PCDHGB2: variants seen among roughly 807,000 people sequenced by gnomAD.
PCDHGB2 encodes protocadherin gamma-B2.
In PCDHGB2, 55 loss-of-function variants were observed where a neutral mutation model predicts 59.3. That is an observed-to-expected ratio of 0.93 (90% confidence interval 0.75 to 1.16). The LOEUF (loss-of-function observed/expected upper bound fraction) is 1.16, where lower values mean the gene tolerates loss of function less well. Among genes scored for constraint, PCDHGB2 ranks in the 50% most tolerant of loss-of-function variants. The pLI is 0.00. For missense variants in PCDHGB2, 1,228 were observed against 1,198.5 expected (o/e 1.02, Z -0.36); for synonymous variants, 516 against 512.0 (o/e 1.01, Z -0.11).
rs1424290202 is a variant in PCDHGB2 at position 141,360,334 on chromosome 5, C to T, written c.199C>T (p.Arg67Trp). ...SVRDLPARKL[R>W]VSAEKEYFTV... ...CCGGGACTTGCCAGCCCGGAAGCTG[C>T]GGGTTAGCGCGGAGAAGGAATATTT... Residue 67 changes from arginine (R) to tryptophan (W), a missense_variant, in exon 1 of 4, where the codon CGG (arginine) becomes TGG (tryptophan). Arg to Trp is a moderately radical substitution (Grantham distance 101). Coordinates refer to ENST00000522605, the MANE Select transcript of PCDHGB2 (RefSeq NM_018923.3). 1 of 1,613,888 alleles carries T rather than the reference C, an allele frequency of 6.2e-7. No individual in the cohort carries two copies. The highest frequency in any genetic ancestry group is 8.5e-7 in the Non-Finnish European group (1 of 1,179,860).
chr5:141,440,960 A>C (rs1467379261), intron 1 of PCDHGB2: 2 of 152,248 alleles, frequency 1.3e-5, no homozygotes, highest in Non-Finnish European at 2.9e-5. Flanking sequence ...CAAGGCAGAG[A>C]TCACATATGG....
intron 2 of PCDHGB2, among the ~76,000 whole-genome samples, chr5:141,503,081 C>G (rs1354848667): frequency 6.6e-6 from 1 of 151,960 alleles, no homozygotes; most frequent in Non-Finnish European, 1.5e-5. Flanking sequence ...TCTCGATCTC[C>G]TGACCTCGTG....
chr5:141,394,136 C>A, intron 1 of PCDHGB2: 3 of 1,613,956 alleles, frequency 1.9e-6, no homozygotes, highest in Non-Finnish European at 2.5e-6. Flanking sequence ...TCGCTCTGCA[C>A]GTGGCAGACA....
At chr5:141,387,770 T>A in intron 1 of PCDHGB2, 1 of 1,438,412 alleles carries the variant, frequency 7.0e-7, no homozygotes, top group Non-Finnish European at 9.2e-7. Flanking sequence ...AAGAATTTTT[T>A]CTTGAACTGG....
intron 1 of PCDHGB2, chr5:141,389,189 C>CATCA: frequency 6.2e-7 from 1 of 1,614,032 alleles, no homozygotes; most frequent in Non-Finnish European, 8.5e-7. Context: ...CCAGTTCCAG[C>CATCA]ATCACCCTGC....
At chr5:141,404,807 G>A (rs1226563047) in intron 1 of PCDHGB2, 1 of 1,613,924 alleles carries the variant, frequency 6.2e-7, no homozygotes, top group Non-Finnish European at 8.5e-7. Flanking sequence ...GCTCTTCTCG[G>A]TGGGGCTGCA....
At position 141,491,725 on chromosome 5, in the gene PCDHGB2, G is replaced by A. The variant is rs1008933711; in HGVS notation, c.2422-3082G>A. The A allele has an allele frequency of 6.2e-7, 1 of 1,606,496 alleles. No homozygotes were observed. The highest frequency in any genetic ancestry group is 1.3e-5 in the African/African-American group (1 of 74,728). On this transcript the variant is annotated intron_variant, in intron 1 of 3. Coordinates refer to ENST00000522605, the MANE Select transcript of PCDHGB2 (RefSeq NM_018923.3). The surrounding 1 kb of genome is among the most constrained non-coding windows in gnomAD (Gnocchi z 6.9). ...GGTGAGGGGCTCGGCGCCGCCCCGGGCGACCCCTGGGGGCGGCACTGGAGA... is the reference window on the plus strand; with the variant it reads ...GGTGAGGGGCTCGGCGCCGCCCCGGACGACCCCTGGGGGCGGCACTGGAGA...
At chr5:141,495,710 G>C (rs2099763133) in intron 2 of PCDHGB2, among the ~76,000 whole-genome samples, 1 of 152,148 alleles carries the variant, frequency 6.6e-6, no homozygotes, top group Non-Finnish European at 1.5e-5. Flanking sequence ...TGTGGAGTGA[G>C]TAACTACACG....
chr5:141,365,643 T>A (rs1319252902), intron 1 of PCDHGB2: 10 of 1,613,296 alleles, frequency 6.2e-6, no homozygotes, highest in Non-Finnish European at 8.5e-6. Flanking sequence ...GAAAGCCACA[T>A]CCCCTTGAAA....
intron 1 of PCDHGB2, among the ~76,000 whole-genome samples, chr5:141,469,103 C>G (rs949254605): frequency 6.6e-6 from 1 of 151,844 alleles, no homozygotes; most frequent in Non-Finnish European, 1.5e-5. Flanking sequence ...AAAGCAAGAA[C>G]CTGTCTCTAA....
rs945917670 is a variant in PCDHGB2, at chr5:141,377,790, T to G, written c.2421+15234T>G. On this transcript the variant is annotated intron_variant, in intron 1 of 3. Transcript: ENST00000522605. ...TGGTGTTAAAAGACCTGAATAACAT[T>G]CCTGTAACTATCTGTTATTTACTTG... 2.6e-5 allele frequency: 4 copies of G among 152,296 alleles called. No individual in the cohort carries two copies. The East Asian group carries it at 7.7e-4, about 29-fold the overall frequency. 9.4% of individuals were successfully genotyped at this position (152,296 alleles called of 1,614,324 possible).
chr5:141,431,921 G>A lies in PCDHGB2; in HGVS notation c.2422-62886G>A. The A allele has an allele frequency of 1.9e-6, 3 of 1,614,142 alleles. No homozygotes were observed. Among genetic ancestry groups the A allele is most frequent in the South Asian group, 2.2e-5 (2 of 91,084 alleles). On this transcript the variant is annotated intron_variant, in intron 1 of 3. Transcript: ENST00000522605. The surrounding 1 kb of genome is among the most constrained non-coding windows in gnomAD (Gnocchi z 4.8). ...CGGACAGGTGATCTGTTTCATCCAA[G>A]GAAATCTGCCCTTTAAATTAGAAAA...
rs562872139 is a variant in PCDHGB2 at position 141,408,923 on chromosome 5, G to A, written c.2421+46367G>A. The A allele has an allele frequency of 5.6e-6, 9 of 1,613,488 alleles. No individual in the cohort carries two copies. The African/African-American group carries it at 1.1e-4, about 19-fold the overall frequency. ...CAAGGATACCAATGATAACCCCCCG[G>A]TTTTCAGCAGAGACGAATATAGAAT... On this transcript the variant is annotated intron_variant, in intron 1 of 3. Coordinates refer to ENST00000522605, the MANE Select transcript of PCDHGB2 (RefSeq NM_018923.3).
At chr5:141,461,592 A>G (rs777372149) in intron 1 of PCDHGB2, among the ~76,000 whole-genome samples, 4 of 152,148 alleles carry the variant, frequency 2.6e-5, no homozygotes, top group African/African-American at 2.4e-5. Flanking sequence ...TTATATTTCC[A>G]TTATAATTTA....
At position 141,486,417 on chromosome 5, in the gene PCDHGB2, G is replaced by T. The variant is rs1298448753; in HGVS notation, c.2422-8390G>T. On this transcript the variant is annotated intron_variant, in intron 1 of 3. Transcript: ENST00000522605. The surrounding 1 kb of genome is among the most constrained non-coding windows in gnomAD (Gnocchi z 5.0). ...CTGGTGACTGCTGGACCCTTGGATCGAGAGGCCAAATCTAGCTATGACATC... is the reference window on the plus strand; with the variant it reads ...CTGGTGACTGCTGGACCCTTGGATCTAGAGGCCAAATCTAGCTATGACATC... The T allele has an allele frequency of 6.2e-7, 1 of 1,614,014 alleles. No homozygotes were observed. The highest frequency in any genetic ancestry group is 1.7e-5 in the Admixed American group (1 of 60,010).
intron 1 of PCDHGB2, chr5:141,422,585 T>C (rs1193597044): frequency 1.2e-6 from 2 of 1,613,930 alleles, no homozygotes; most frequent in African/African-American, 2.7e-5. Context: ...CCTCCCGTTT[T>C]TCCTCACTCC....
intron 1 of PCDHGB2, chr5:141,410,073 G>T: frequency 6.2e-7 from 1 of 1,612,940 alleles, no homozygotes; most frequent in South Asian, 1.1e-5. Context: ...CTGCGCACTG[G>T]GGAGGTGCGC....
rs2099634686 is a variant in PCDHGB2 at position 141,486,772 on chromosome 5, T to G, written c.2422-8035T>G. 1 of 1,614,246 alleles carries G rather than the reference T, an allele frequency of 6.2e-7. No individual in the cohort carries two copies. The highest frequency in any genetic ancestry group is 8.5e-7 in the Non-Finnish European group (1 of 1,180,042). Reference sequence around the variant, plus strand: ...ATGAGCAAACCCAGACACTGCAGTTTGAGGTGCAGGCCCGGGATCGGGGCA... The same window carrying G: ...ATGAGCAAACCCAGACACTGCAGTTGGAGGTGCAGGCCCGGGATCGGGGCA... On this transcript the variant is annotated intron_variant, in intron 1 of 3. Coordinates refer to ENST00000522605, the MANE Select transcript of PCDHGB2 (RefSeq NM_018923.3). This position sits in a 1 kb window ranked among gnomAD's most constrained non-coding sequence, Gnocchi z 5.0.
intron 1 of PCDHGB2, chr5:141,393,111 C>T (rs762190466): frequency 1.2e-6 from 2 of 1,613,380 alleles, no homozygotes; most frequent in African/African-American, 2.7e-5. Context: ...CGCTCAGAGC[C>T]CGCGGTGTCT....
Sources: allele counts gnomAD v4.1 joint callset (sites outside exome capture counted in the v4.1 genomes callset), GRCh38; gene constraint gnomAD v4.1.1; non-coding constraint Gnocchi (gnomAD v3.1); transcripts MANE v1.5; gene names NCBI Gene and HGNC (gene_info 2026-07-23, HGNC 2026-07-21).